The following CFDP1 variants were observed in gnomAD, a reference collection of about 807,000 sequenced individuals.
CFDP1 encodes heterochromatin-stabilizing protein CFDP1.
In CFDP1, 31 loss-of-function variants were observed where a neutral mutation model predicts 40.1. The observed-to-expected ratio is 0.77, with a 90% CI of 0.58 to 1.04. The LOEUF (loss-of-function observed/expected upper bound fraction) is 1.04, where lower values mean the gene tolerates loss of function less well. CFDP1 is among the 50% of genes least tolerant of loss of function. The probability of loss-of-function intolerance (pLI) is 0.00; values close to 1 mark genes in which losing one functional copy is unlikely to be tolerated. For synonymous variants in CFDP1, 167 were observed against 120.0 expected, an observed-to-expected ratio of 1.39 and a Z score of -2.56; for missense variants, 423 against 343.4, an observed-to-expected ratio of 1.23 and a Z score of -1.83.
At chr16:75,305,781 G>A (rs1025719440) in intron 5 of CFDP1, among the ~76,000 whole-genome samples, 1 of 152,186 alleles carries the variant, frequency 6.6e-6, no homozygotes, top group Non-Finnish European at 1.5e-5. Context: ...AAAAGTCACA[G>A]TACTGTAAGA....
intron 1 of CFDP1, among the ~76,000 whole-genome samples, chr16:75,431,894 G>A (rs1465269486): frequency 1.3e-5 from 2 of 149,996 alleles, no homozygotes; most frequent in East Asian, 2.0e-4. Flanking sequence ...AGGGATGAGG[G>A]TGATGGGACT....
intron 5 of CFDP1, among the ~76,000 whole-genome samples, chr16:75,319,345 A>G (rs2078346692): frequency 6.6e-6 from 1 of 152,124 alleles, no homozygotes; most frequent in African/African-American, 2.4e-5. Context: ...CCCAGCCCCA[A>G]ACTTCTAACT....
At chr16:75,413,269 T>C (rs1365107008) in intron 2 of CFDP1, among the ~76,000 whole-genome samples, 2 of 147,008 alleles carry the variant, frequency 1.4e-5, no homozygotes, top group Non-Finnish European at 2.9e-5. Context: ...AGCTGGAACA[T>C]AGAAAAATTC....
chr16:75,379,577 A>G (rs1348622531), intron 5 of CFDP1, among the ~76,000 whole-genome samples: 2 of 152,222 alleles, frequency 1.3e-5, no homozygotes, highest in African/African-American at 2.4e-5. Flanking sequence ...AAATCTCTAG[A>G]TTAGTGATTA....
At chr16:75,352,540 T>TATCATA (rs1276353204) in intron 5 of CFDP1, among the ~76,000 whole-genome samples, 10 of 152,190 alleles carry the variant, frequency 6.6e-5, no homozygotes, top group Non-Finnish European at 1.2e-4. Context: ...GTAATAAGTG[T>TATCATA]ATCATAATCA....
chr16:75,418,475 T>A (rs1285753030), intron 1 of CFDP1, among the ~76,000 whole-genome samples: 3 of 151,330 alleles, frequency 2.0e-5, no homozygotes, highest in Non-Finnish European at 4.4e-5. Flanking sequence ...GCCTGGCTAA[T>A]TTTTTTTGTA....
chr16:75,373,250 C>G (rs780140749), intron 5 of CFDP1, among the ~76,000 whole-genome samples: 1 of 152,236 alleles, frequency 6.6e-6, no homozygotes, highest in Admixed American at 6.5e-5. Flanking sequence ...AACACTTACA[C>G]ACACAGATGT....
rs1042905716 is a variant in CFDP1 at position 75,293,831 on chromosome 16, T to G, written c.*121A>C. ...AAGATACATAGACAGAACTTCAATG[T>G]AGAAAAAAAAAAGACCTTGCTGGGA... On this transcript the variant is annotated 3_prime_UTR_variant, in exon 7 of 7. Transcript: ENST00000283882. 2.7e-6 allele frequency: 2 copies of G among 739,708 alleles called. No individual in the cohort carries two copies. The highest frequency in any genetic ancestry group is 3.7e-5 in the South Asian group (2 of 54,350). 45.8% of individuals were successfully genotyped at this position (739,708 alleles called of 1,614,324 possible). A position where few individuals can be genotyped will look rare whatever the true frequency, so the allele number is the denominator to read the frequency against.
chr16:75,425,792 G>C (rs2079334456), intron 1 of CFDP1, among the ~76,000 whole-genome samples: 1 of 152,018 alleles, frequency 6.6e-6, no homozygotes, highest in Non-Finnish European at 1.5e-5. Flanking sequence ...CCAGCACTTT[G>C]GGAGGCCGGG....
chr16:75,297,782 C>T (rs1165300594), intron 6 of CFDP1, among the ~76,000 whole-genome samples: 1 of 152,204 alleles, frequency 6.6e-6, no homozygotes, highest in Admixed American at 6.5e-5. Flanking sequence ...GCACAACAGG[C>T]TCTGACATCT....
At chr16:75,424,684 G>A (rs2079316189) in intron 1 of CFDP1, among the ~76,000 whole-genome samples, 1 of 150,772 alleles carries the variant, frequency 6.6e-6, no homozygotes, top group Admixed American at 6.6e-5. Context: ...AACCCAGGAG[G>A]CAGAGGTCAC....
rs1425495701 is a variant in CFDP1, at chr16:75,293,847, C to G, written c.*105G>C. The stretch of plus-strand genomic sequence containing the variant: ...ACTTCAATGTAGAAAAAAAAAAGAC[C>G]TTGCTGGGAAACAGATGATGAGAAA... On this transcript the variant is annotated 3_prime_UTR_variant, in exon 7 of 7. Transcript: ENST00000283882. 3 of 885,082 alleles carry G rather than the reference C, an allele frequency of 3.4e-6. No individual in the cohort carries two copies. The highest frequency in any genetic ancestry group is 2.6e-5 in the East Asian group (1 of 38,306). 54.8% of individuals were successfully genotyped at this position (885,082 alleles called of 1,614,324 possible).
At chr16:75,300,076 G>T (rs1250571319) in intron 6 of CFDP1, among the ~76,000 whole-genome samples, 2 of 152,098 alleles carry the variant, frequency 1.3e-5, no homozygotes, top group Non-Finnish European at 2.9e-5. Context: ...GATGAAAAAT[G>T]GTATTTTTAA....
chr16:75,313,936 G>A (rs2078309808), intron 5 of CFDP1, among the ~76,000 whole-genome samples: 2 of 152,124 alleles, frequency 1.3e-5, no homozygotes, highest in South Asian at 4.1e-4. Flanking sequence ...CCAAGCTACA[G>A]TGCAGTGGTG....
At chr16:75,406,291 T>C (rs247430) in intron 4 of CFDP1, among the ~76,000 whole-genome samples, 152,288 of 152,314 alleles carry the variant, frequency 1, 76,131 homozygotes, top group Non-Finnish European at 1. Flanking sequence ...GTGAAAGGAT[T>C]TCTTCAGCCT....
intron 5 of CFDP1, among the ~76,000 whole-genome samples, chr16:75,360,502 G>T (rs2078673800): frequency 6.6e-6 from 1 of 152,102 alleles, no homozygotes; most frequent in Non-Finnish European, 1.5e-5. Flanking sequence ...GTCCAAAACA[G>T]GTTTTTGTAC....
intron 5 of CFDP1, among the ~76,000 whole-genome samples, chr16:75,333,306 G>C (rs1255244109): frequency 6.6e-6 from 1 of 151,266 alleles, no homozygotes; most frequent in East Asian, 2.0e-4. Context: ...TGTATTTTTA[G>C]TAGAGACGGG....
chr16:75,361,746 C>T (rs2078680819), intron 5 of CFDP1, among the ~76,000 whole-genome samples: 2 of 152,202 alleles, frequency 1.3e-5, no homozygotes, highest in African/African-American at 4.8e-5. Flanking sequence ...CTTGCACCCT[C>T]CATAAATACA....
At chr16:75,302,722 G>A (rs542125193) in intron 6 of CFDP1, among the ~76,000 whole-genome samples, 21 of 151,544 alleles carry the variant, frequency 1.4e-4, no homozygotes, top group Non-Finnish European at 3.0e-4. Context: ...TACTGGAGCT[G>A]AATCTGAATG....
Sources: gnomAD v4.1 joint callset for allele counts (sites outside exome capture counted in the v4.1 genomes callset) on GRCh38, gnomAD v4.1.1 for gene constraint, MANE v1.5 for transcripts, NCBI Gene and HGNC (gene_info 2026-07-23, HGNC 2026-07-21) for gene names.